The following GSE1 variants were observed in gnomAD, a reference collection of about 807,000 sequenced individuals.
The protein encoded by GSE1 is Gse1 coiled-coil protein, also known as genetic suppressor element 1.
GSE1 carries 32 observed loss-of-function variants against 112.6 expected under a neutral mutation model. That is an observed-to-expected ratio of 0.28 (90% confidence interval 0.21 to 0.38). GSE1 has a LOEUF of 0.38. Ranked by LOEUF, GSE1 falls within the 10% of genes least tolerant of loss-of-function variation. GSE1 has a pLI of 1.00. For synonymous variants in GSE1, 1,115 were observed against 735.6 expected (o/e 1.52, Z -8.35); for missense variants, 2,348 against 1,699.2 (o/e 1.38, Z -6.71).
chr16:85,421,195 C>G (rs541286159), intron 2 of GSE1, among the ~76,000 whole-genome samples: 2 of 152,316 alleles, frequency 1.3e-5, no homozygotes, highest in South Asian at 2.1e-4. Context: ...GGAGTGCAAG[C>G]AGGCACCCTC....
At chr16:85,533,495 AG>A (rs2044205871) in intron 2 of GSE1, among the ~76,000 whole-genome samples, 1 of 152,210 alleles carries the variant, frequency 6.6e-6, no homozygotes, top group South Asian at 2.1e-4. Context: ...TTTAACATGT[AG>A]TACCTAAAAA....
intron 2 of GSE1, among the ~76,000 whole-genome samples, chr16:85,363,994 A>C (rs538045124): frequency 3.9e-5 from 6 of 152,308 alleles, no homozygotes; most frequent in Admixed American, 1.3e-4. Flanking sequence ...CAATACCACA[A>C]ACTTCGTGGC....
At chr16:85,542,932 G>GA (rs2044573061) in intron 2 of GSE1, among the ~76,000 whole-genome samples, 1 of 152,184 alleles carries the variant, frequency 6.6e-6, no homozygotes, top group South Asian at 2.1e-4. Flanking sequence ...ATGCCCTTAA[G>GA]AATGTCTCCT....
chr16:85,518,679 A>C (rs2052035626), intron 2 of GSE1, among the ~76,000 whole-genome samples: 2 of 152,104 alleles, frequency 1.3e-5, no homozygotes, highest in South Asian at 4.1e-4. Flanking sequence ...CTATAAAGCC[A>C]GAATGTGGTG....
Position 85,655,838 on chromosome 16 carries a change from G to A in GSE1, c.910G>A (p.Val304Ile), listed in dbSNP as rs200285225. The change falls in exon 6 of 16, where the codon GTC becomes ATC. Residue 304 changes from valine to isoleucine, a missense_variant. By Grantham distance (29) the Val-to-Ile change is conservative. Transcript: ENST00000253458. The stretch of plus-strand genomic sequence containing the variant: ...AGCGATGCACCTGCACCTCTCTGGG[G>A]TCCGCTACCCTCCCGAGCTCTCCCA... ...PSAMHLHLSG[V>I]RYPPELSHSS... The A allele has an allele frequency of 3.3e-5, 53 of 1,610,726 alleles. No individual in the cohort carries two copies. The highest frequency in any genetic ancestry group is 4.2e-5 in the Non-Finnish European group (49 of 1,179,818).
At chr16:85,384,802 T>C (rs1001140908) in intron 2 of GSE1, among the ~76,000 whole-genome samples, 3 of 152,112 alleles carry the variant, frequency 2.0e-5, no homozygotes, top group Non-Finnish European at 4.4e-5. Context: ...AAACAGGTCC[T>C]CCAGCGCCAG....
rs1258102967 is a variant in GSE1, at chr16:85,663,058, G to A, written c.2338G>A (p.Glu780Lys). 8 of 1,612,490 alleles carry A rather than the reference G, an allele frequency of 5.0e-6. No individual in the cohort carries two copies. The highest frequency in any genetic ancestry group is 2.2e-5 in the East Asian group (1 of 44,874). Residue 780 changes from glutamate to lysine, a missense_variant, in exon 10 of 16, where the codon GAG becomes AAG. By Grantham distance (56) the Glu-to-Lys change is moderately conservative. Coordinates refer to ENST00000253458, the MANE Select transcript of GSE1 (RefSeq NM_014615.5). The part of the protein sequence containing the change: ...EVRAHLRCVA[E>K]QPPLKLDTSS... ...CAGGGCCCACCTCCGTTGCGTGGCCGAGCAGCCGCCCCTCAAACTGGACAC... is the reference window on the plus strand; with the variant it reads ...CAGGGCCCACCTCCGTTGCGTGGCCAAGCAGCCGCCCCTCAAACTGGACAC...
chr16:85,297,708 C>T (rs1487914403), intron 1 of GSE1, among the ~76,000 whole-genome samples: 1 of 152,166 alleles, frequency 6.6e-6, no homozygotes, highest in African/African-American at 2.4e-5. Context: ...GACAGGGTCT[C>T]ACTTTGTTGC....
intron 1 of GSE1, among the ~76,000 whole-genome samples, chr16:85,305,171 A>G (rs937507063): frequency 6.6e-6 from 1 of 152,196 alleles, no homozygotes; most frequent in African/African-American, 2.4e-5. Context: ...TGACTGGAGC[A>G]GGGTCTACAC....
chr16:85,225,105 CAGAG>C (rs1195568943), intron 1 of GSE1, among the ~76,000 whole-genome samples: 1 of 151,574 alleles, frequency 6.6e-6, no homozygotes. Context: ...GCCTGGGTGA[CAGAG>C]AGAGATTCCC....
At chr16:85,231,984 GC>G (rs937161233) in intron 1 of GSE1, among the ~76,000 whole-genome samples, 1 of 152,164 alleles carries the variant, frequency 6.6e-6, no homozygotes, top group Non-Finnish European at 1.5e-5. Flanking sequence ...GTGTTGGCTT[GC>G]CCCCCTGCCG....
chr16:85,469,638 C>T (rs754962058), intron 2 of GSE1, among the ~76,000 whole-genome samples: 1 of 152,184 alleles, frequency 6.6e-6, no homozygotes, highest in Admixed American at 6.5e-5. Flanking sequence ...GACTCTGAGG[C>T]CCCCAGTACT....
At chr16:85,501,537 G>A (rs565368667) in intron 2 of GSE1, among the ~76,000 whole-genome samples, 45 of 152,164 alleles carry the variant, frequency 3.0e-4, no homozygotes, top group South Asian at 1.7e-3. Flanking sequence ...GACTACAGGC[G>A]TGTGCCACCA....
chr16:85,634,249 C>A (rs2049799379), intron 2 of GSE1, 117 bp downstream of exon 2: 2 of 711,778 alleles, frequency 2.8e-6, no homozygotes, highest in Non-Finnish European at 4.3e-6. Context: ...ACGCCGTGTG[C>A]TCTGCATGGA....
At chr16:85,549,795 G>A (rs536012984) in intron 2 of GSE1, among the ~76,000 whole-genome samples, 1 of 152,300 alleles carries the variant, frequency 6.6e-6, no homozygotes, top group African/African-American at 2.4e-5. Context: ...TCCTCTCCTT[G>A]TATGCCCTTG....
At chr16:85,361,179 TAGAC>T (rs1699983800) in intron 2 of GSE1, among the ~76,000 whole-genome samples, 2 of 72,590 alleles carry the variant, frequency 2.8e-5, no homozygotes, top group Admixed American at 2.3e-4. Context: ...GAGACACACA[TAGAC>T]AGGCACAGAC....
At chr16:85,274,671 C>T (rs991197557) in intron 1 of GSE1, among the ~76,000 whole-genome samples, 1 of 152,224 alleles carries the variant, frequency 6.6e-6, no homozygotes, top group African/African-American at 2.4e-5. Flanking sequence ...GCAGTGCTAA[C>T]AGGGCTTAGG....
chr16:85,462,907 C>A (rs975995649), intron 2 of GSE1, among the ~76,000 whole-genome samples: 7 of 150,974 alleles, frequency 4.6e-5, no homozygotes, highest in Non-Finnish European at 8.9e-5. Context: ...GCAGGGACGC[C>A]CCGGCTGCTC....
upstream of GSE1, among the ~76,000 whole-genome samples, chr16:85,610,669 G>A (rs2047929067): frequency 6.6e-6 from 1 of 152,192 alleles, no homozygotes; most frequent in Non-Finnish European, 1.5e-5. Context: ...CTCACAGAGC[G>A]GCTCGCTGCT....
Sources: gnomAD v4.1 joint callset for allele counts (sites outside exome capture counted in the v4.1 genomes callset) on GRCh38, gnomAD v4.1.1 for gene constraint, MANE v1.5 for transcripts, NCBI Gene and HGNC (gene_info 2026-07-23, HGNC 2026-07-21) for gene names.